Variants in C6orf89 observed in about 807,000 individuals in gnomAD.
C6orf89 encodes the protein chromosome 6 open reading frame 89, also known as bombesin receptor-activated protein C6orf89.
In C6orf89, 29 loss-of-function variants were observed where a neutral mutation model predicts 40.7. That is an observed-to-expected ratio of 0.71 (90% CI 0.53 to 0.97). The LOEUF (loss-of-function observed/expected upper bound fraction) is 0.97. Ranked by LOEUF, C6orf89 falls within the 50% of genes least tolerant of loss-of-function variation. C6orf89 has a pLI of 0.00. For missense variants in C6orf89, 392 were observed against 429.1 expected, an observed-to-expected ratio of 0.91 and a Z score of 0.76; for synonymous variants, 165 against 152.2, an observed-to-expected ratio of 1.08 and a Z score of -0.62.
In C6orf89 at chr6:36,928,167, C is replaced by T. The variant is rs1458537710; in HGVS notation, c.*4726C>T. The T allele has an allele frequency of 1.3e-5, 2 of 152,234 alleles. No individual in the cohort carries two copies. Among genetic ancestry groups the T allele is most frequent in the East Asian group, 3.9e-4 (2 of 5,190 alleles). 9.4% of individuals were successfully genotyped at this position (152,234 alleles called of 1,614,324 possible). A position where few individuals can be genotyped will look rare whatever the true frequency, so the allele number is the denominator to read the frequency against. Reference sequence around the variant, plus strand: ...TAACTAAGTGGAGGCCTGGAACTGTCAGGATTTGACAGGGCTGGACCAGAG... The same window carrying T: ...TAACTAAGTGGAGGCCTGGAACTGTTAGGATTTGACAGGGCTGGACCAGAG... On this transcript the variant is annotated 3_prime_UTR_variant, in exon 9 of 9. Coordinates refer to ENST00000480824, the MANE Select transcript of C6orf89 (RefSeq NM_001286635.2).
chr6:36,889,589 A>AAAAAAAAG (rs1427290354), intron 1 of C6orf89, among the ~76,000 whole-genome samples: 6 of 152,100 alleles, frequency 3.9e-5, no homozygotes, highest in African/African-American at 1.4e-4. Context: ...AAACAAAAAA[A>AAAAAAAAG]AAAAGAAAAA....
intron 3 of C6orf89, 74 bp from the exon 4 acceptor site, chr6:36,902,147 T>G: frequency 7.8e-7 from 1 of 1,287,388 alleles, no homozygotes; most frequent in Non-Finnish European, 1.1e-6. Flanking sequence ...AGAAGCCTGT[T>G]TTGTTTTGTT....
At chr6:36,915,650 A>G (rs1416122765) in intron 6 of C6orf89, among the ~76,000 whole-genome samples, 1 of 151,806 alleles carries the variant, frequency 6.6e-6, no homozygotes, top group East Asian at 1.9e-4. Context: ...AAGCTGCAGT[A>G]AGCCATGATC....
In C6orf89 at chr6:36,903,616, C is replaced by T. The variant is rs545164460; in HGVS notation, c.403+1182C>T. On this transcript the variant is annotated intron_variant, in intron 4 of 8. Coordinates refer to ENST00000480824, the MANE Select transcript of C6orf89 (RefSeq NM_001286635.2). ...CTGGGACTATAGGTGCCCGCCACCA[C>T]GCCCGGCTAATTTTTTGTATTTCTA... Among the ~76,000 whole-genome samples, 143 of 152,142 alleles carry T rather than the reference C, an allele frequency of 9.4e-4. 1 individual carries two copies. Among genetic ancestry groups the T allele is most frequent in the Non-Finnish European group, 1.1e-3 (78 of 68,008 alleles).
At chr6:36,895,653 A>T (rs1398233544) in intron 2 of C6orf89, among the ~76,000 whole-genome samples, 4 of 152,186 alleles carry the variant, frequency 2.6e-5, no homozygotes, top group Non-Finnish European at 5.9e-5. Flanking sequence ...TTCAAGGTTC[A>T]TCCATATTGT....
chr6:36,908,678 CT>C (rs1762014540), intron 4 of C6orf89, among the ~76,000 whole-genome samples: 1 of 152,168 alleles, frequency 6.6e-6, no homozygotes, highest in African/African-American at 2.4e-5. Flanking sequence ...GTTTCTAAGG[CT>C]GCTGAAACAA....
chr6:36,871,982 T>G, intron 1 of C6orf89: 1 of 1,005,794 alleles, frequency 9.9e-7, no homozygotes, highest in Non-Finnish European at 1.4e-6. Context: ...GTCATGAAAT[T>G]GTGATAACCA....
Position 36,924,619 on chromosome 6 carries a change from G to T in C6orf89, c.*1178G>T, listed in dbSNP as rs1173842397. On this transcript the variant is annotated 3_prime_UTR_variant, in exon 9 of 9. Transcript: ENST00000480824. ...GCTTTTAGTAGGTAGCAATCAAATGGTGTAAATAAGGATGTTCTTTTCCTG... is the reference window on the plus strand; with the variant it reads ...GCTTTTAGTAGGTAGCAATCAAATGTTGTAAATAAGGATGTTCTTTTCCTG... 6.6e-6 allele frequency: 1 copy of T among 152,128 alleles called. No homozygotes were observed. The highest frequency in any genetic ancestry group is 1.9e-4 in the East Asian group (1 of 5,202). The allele number at this position is 152,128 out of a possible 1,614,324, so 9.4% of individuals were successfully genotyped here. A position where few individuals can be genotyped will look rare whatever the true frequency, so the allele number is the denominator to read the frequency against.
At chr6:36,893,817 G>GCC (rs1323010381) in intron 1 of C6orf89, among the ~76,000 whole-genome samples, 4 of 152,164 alleles carry the variant, frequency 2.6e-5, no homozygotes, top group Non-Finnish European at 5.9e-5. Context: ...ATTTTTTATT[G>GCC]TCTTGCTAGA....
chr6:36,918,085 C>T (rs1352013191), intron 7 of C6orf89, among the ~76,000 whole-genome samples: 1 of 152,156 alleles, frequency 6.6e-6, no homozygotes, highest in Non-Finnish European at 1.5e-5. Context: ...TCCCTGGGCC[C>T]TGGGCCCTGG....
chr6:36,874,694 C>T, intron 1 of C6orf89: 1 of 1,613,152 alleles, frequency 6.2e-7, no homozygotes, highest in Non-Finnish European at 8.5e-7. Context: ...CTCTGCCAGC[C>T]CCAGACGCCC....
upstream of C6orf89, chr6:36,885,706 G>A: frequency 3.6e-6 from 1 of 279,922 alleles, no homozygotes; most frequent in Non-Finnish European, 6.6e-6. Context: ...TGAAGTCTGT[G>A]TGAGCCAGTC....
At chr6:36,910,744 C>T (rs1472240068) in intron 4 of C6orf89, among the ~76,000 whole-genome samples, 2 of 150,736 alleles carry the variant, frequency 1.3e-5, no homozygotes, top group Admixed American at 6.6e-5. Context: ...AAAAAAAAGG[C>T]TGGTCTCAAA....
In C6orf89 at chr6:36,875,230, G is replaced by A. The variant is rs146142943; in HGVS notation, c.-628+3263G>A. On this transcript the variant is annotated intron_variant, in intron 1 of 9. Transcript: ENST00000359359. ...AAAGAATTTTTGTAAGGCGCTGTAC[G>A]ATGTACACAGTGCTTGCACTTTCTT... Among the ~76,000 whole-genome samples the A allele has an allele frequency of 3.7e-4, 56 of 152,300 alleles. No homozygotes were observed. The East Asian group carries it at 0.01, about 28-fold the overall frequency.
At position 36,886,035 on chromosome 6, in the gene C6orf89, G is replaced by T; in HGVS notation, c.-120+7G>T. 8.0e-7 allele frequency: 1 copy of T among 1,255,828 alleles called. No individual in the cohort carries two copies. The highest frequency in any genetic ancestry group is 3.0e-5 in the South Asian group (1 of 33,694). The allele number at this position is 1,255,828 out of a possible 1,614,324, so 77.8% of individuals were successfully genotyped here. On this transcript the variant is annotated splice_region_variant and intron_variant, in intron 1 of 8. Coordinates refer to ENST00000480824, the MANE Select transcript of C6orf89 (RefSeq NM_001286635.2). Reference sequence around the variant, plus strand: ...AGGGGCGCGAGCCCCGCATGTGAGTGACTGGGGCCCGAGGCTGGGTGGGGG... The same window carrying T: ...AGGGGCGCGAGCCCCGCATGTGAGTTACTGGGGCCCGAGGCTGGGTGGGGG...
intron 1 of C6orf89, among the ~76,000 whole-genome samples, chr6:36,875,515 T>G (rs1388015557): frequency 1.3e-5 from 2 of 152,244 alleles, no homozygotes; most frequent in Non-Finnish European, 2.9e-5. Context: ...TTGGCTGGGA[T>G]AGATGGTACC....
At chr6:36,913,026 C>T (rs1470356986) in intron 4 of C6orf89, among the ~76,000 whole-genome samples, 3 of 152,158 alleles carry the variant, frequency 2.0e-5, no homozygotes, top group East Asian at 3.8e-4. Flanking sequence ...TAATCAGAAC[C>T]GTCTTCTGAA....
At chr6:36,889,755 A>C (rs948258058) in intron 1 of C6orf89, among the ~76,000 whole-genome samples, 5 of 152,226 alleles carry the variant, frequency 3.3e-5, no homozygotes, top group African/African-American at 4.8e-5. Context: ...CTATAGACTG[A>C]ATATTAGGTA....
In C6orf89 at chr6:36,886,014, G is replaced by GC; in HGVS notation, c.-133dup. On this transcript the variant is annotated 5_prime_UTR_variant, in exon 1 of 9. Transcript: ENST00000480824. ...CCCCGAGGCGGGAGGAGCCCGAGGG[G>GC]CGCGAGCCCCGCATGTGAGTGACTG... The GC allele has an allele frequency of 1.6e-6, 2 of 1,255,722 alleles. No homozygotes were observed. Among genetic ancestry groups the GC allele is most frequent in the African/African-American group, 3.1e-5 (2 of 64,090 alleles). 77.8% of individuals were successfully genotyped at this position (1,255,722 alleles called of 1,614,324 possible). A position where few individuals can be genotyped will look rare whatever the true frequency, so the allele number is the denominator to read the frequency against.
Sources: gnomAD v4.1 joint callset for allele counts (sites outside exome capture counted in the v4.1 genomes callset) on GRCh38, gnomAD v4.1.1 for gene constraint, MANE v1.5 for transcripts, NCBI Gene and HGNC (gene_info 2026-07-23, HGNC 2026-07-21) for gene names.